CACNG3: variants seen among roughly 807,000 people sequenced by gnomAD.
The protein encoded by CACNG3 is voltage-dependent calcium channel gamma-3 subunit.
In CACNG3, 3 loss-of-function variants were observed where a neutral mutation model predicts 28.5. That is an observed-to-expected ratio of 0.11 (90% confidence interval 0.05 to 0.27). CACNG3 has a LOEUF of 0.27. CACNG3 is among the 10% of genes least tolerant of loss of function. The pLI is 1.00. For missense variants in CACNG3, 236 were observed against 414.4 expected (o/e 0.57, Z 3.74); for synonymous variants, 174 against 162.2 (o/e 1.07, Z -0.55).
At chr16:24,325,895 A>C (rs1899534937) in intron 1 of CACNG3, among the ~76,000 whole-genome samples, 1 of 152,238 alleles carries the variant, frequency 6.6e-6, no homozygotes, top group African/African-American at 2.4e-5. Flanking sequence ...ATCCATTTCA[A>C]ATAAGCGTAA....
intron 1 of CACNG3, among the ~76,000 whole-genome samples, chr16:24,261,024 T>G (rs1382895476): frequency 6.6e-6 from 1 of 152,224 alleles, no homozygotes; most frequent in Admixed American, 6.5e-5. Flanking sequence ...TGAGGAACCC[T>G]AAGTGTTCAT....
intron 1 of CACNG3, among the ~76,000 whole-genome samples, chr16:24,307,238 C>T (rs1417140159): frequency 6.6e-6 from 1 of 152,198 alleles, no homozygotes; most frequent in African/African-American, 2.4e-5. Flanking sequence ...TCTCCTGCCT[C>T]AGCCTCCCAA....
At chr16:24,314,752 C>CCTT (rs1225223585) in intron 1 of CACNG3, among the ~76,000 whole-genome samples, 2 of 150,088 alleles carry the variant, frequency 1.3e-5, no homozygotes, top group African/African-American at 4.9e-5. Flanking sequence ...TCCTCCTCCT[C>CCTT]CTCCTCCTCC....
At chr16:24,308,839 C>CAAAAA (rs71154298) in intron 1 of CACNG3, among the ~76,000 whole-genome samples, 576 of 26,280 alleles carry the variant, frequency 0.022, no homozygotes, top group Middle Eastern at 0.091. Flanking sequence ...GAACCTACCT[C>CAAAAA]AAAAAAAAAA....
intron 1 of CACNG3, among the ~76,000 whole-genome samples, chr16:24,340,819 C>G (rs895375510): frequency 6.6e-6 from 1 of 152,206 alleles, no homozygotes; most frequent in Non-Finnish European, 1.5e-5. Context: ...CTCACACATG[C>G]CCTTCGCTGG....
rs767894450 is a variant in CACNG3, at chr16:24,361,449, C to G, written c.534C>G (p.Ser178=). The change falls in exon 4 of 4, where the codon TCC becomes TCG. Residue 178 remains serine, a synonymous_variant. Coordinates refer to ENST00000005284, the MANE Select transcript of CACNG3 (RefSeq NM_006539.4). This position sits in a 1 kb window ranked among gnomAD's most constrained non-coding sequence, Gnocchi z 6.8. ...DSKKSYSYGW[S]FYFGAFSFII... ...AAAAAAGTTACTCCTATGGTTGGTC[C>G]TTTTATTTCGGAGCCTTCTCTTTCA... The G allele has an allele frequency of 1.2e-6, 2 of 1,614,144 alleles. No individual in the cohort carries two copies. Among genetic ancestry groups the G allele is most frequent in the Non-Finnish European group, 8.5e-7 (1 of 1,180,026 alleles).
chr16:24,304,268 C>T (rs1567214089), intron 1 of CACNG3, among the ~76,000 whole-genome samples: 1 of 152,010 alleles, frequency 6.6e-6, no homozygotes, highest in Non-Finnish European at 1.5e-5. Flanking sequence ...TTTGGACTTC[C>T]TAATATACAT....
intron 1 of CACNG3, among the ~76,000 whole-genome samples, chr16:24,298,920 G>A (rs532860003): frequency 1.3e-5 from 2 of 152,342 alleles, no homozygotes; most frequent in Non-Finnish European, 2.9e-5. Flanking sequence ...AGTCCACCAA[G>A]GTAAAATGTC....
chr16:24,313,091 G>GGAAGGAAGGAAA (rs1899296656), intron 1 of CACNG3, among the ~76,000 whole-genome samples: 1 of 150,610 alleles, frequency 6.6e-6, no homozygotes, highest in African/African-American at 2.4e-5. Flanking sequence ...AAGGAAGGAA[G>GGAAGGAAGGAAA]GAAGGAAGGA....
At chr16:24,279,493 G>C (rs528167255) in intron 1 of CACNG3, among the ~76,000 whole-genome samples, 2 of 152,066 alleles carry the variant, frequency 1.3e-5, no homozygotes, top group South Asian at 2.1e-4. Context: ...TTTGTAGAGA[G>C]AGTATCTCAC....
At chr16:24,349,968 A>G (rs1409935115) in intron 2 of CACNG3, among the ~76,000 whole-genome samples, 6 of 152,232 alleles carry the variant, frequency 3.9e-5, no homozygotes, top group African/African-American at 7.2e-5. Context: ...TCAGACTCCA[A>G]TGGTGGGGCT....
chr16:24,298,124 C>A (rs373644088), intron 1 of CACNG3, among the ~76,000 whole-genome samples: 3 of 152,222 alleles, frequency 2.0e-5, no homozygotes, highest in South Asian at 4.2e-4. Flanking sequence ...TCTTTATATT[C>A]TCTTATCCCA....
At chr16:24,287,316 G>A (rs1272198972) in intron 1 of CACNG3, among the ~76,000 whole-genome samples, 1 of 152,028 alleles carries the variant, frequency 6.6e-6, no homozygotes, top group Non-Finnish European at 1.5e-5. Flanking sequence ...CCAGGAATTC[G>A]AGACCAGGCT....
At chr16:24,279,598 C>T (rs1398997583) in intron 1 of CACNG3, among the ~76,000 whole-genome samples, 1 of 152,152 alleles carries the variant, frequency 6.6e-6, no homozygotes, top group African/African-American at 2.4e-5. Flanking sequence ...ACCCAGTTCG[C>T]CCAACTGAGG....
intron 1 of CACNG3, among the ~76,000 whole-genome samples, chr16:24,276,494 G>A (rs899253646): frequency 6.6e-6 from 1 of 152,210 alleles, no homozygotes; most frequent in African/African-American, 2.4e-5. Flanking sequence ...TATAGTTGAG[G>A]AGAGAAACTA....
At chr16:24,295,828 A>G (rs747019754) in intron 1 of CACNG3, among the ~76,000 whole-genome samples, 7 of 152,204 alleles carry the variant, frequency 4.6e-5, no homozygotes, top group Non-Finnish European at 7.3e-5. Context: ...AGCCTGGGCT[A>G]CAGAGTAAGA....
rs1364254874 is a variant in CACNG3 at position 24,352,331 on chromosome 16, G to C, written c.296-2502G>C. ...CTCCCCGGCCCCACCCCATTCCCTA[G>C]AGGCTCCTCCATTCACTCAGCACCT... On this transcript the variant is annotated intron_variant, in intron 2 of 3. Coordinates refer to ENST00000005284, the MANE Select transcript of CACNG3 (RefSeq NM_006539.4). 3.3e-5 allele frequency among the ~76,000 whole-genome samples: 5 copies of C among 151,492 alleles called. No individual in the cohort carries two copies. The East Asian group carries it at 9.8e-4, about 30-fold the overall frequency.
At chr16:24,352,615 T>C (rs1899967562) in intron 2 of CACNG3, among the ~76,000 whole-genome samples, 1 of 151,528 alleles carries the variant, frequency 6.6e-6, no homozygotes, top group Admixed American at 6.6e-5. Flanking sequence ...CTCAGCTCAC[T>C]GTAGCCTCTG....
At chr16:24,309,645 A>T (rs4787432) in intron 1 of CACNG3, among the ~76,000 whole-genome samples, 87,948 of 151,856 alleles carry the variant, frequency 0.58, 25,579 homozygotes, top group South Asian at 0.64. Context: ...ACATGCTGTG[A>T]AAGTGATGAT....
Sources: gnomAD v4.1 joint callset for allele counts (sites outside exome capture counted in the v4.1 genomes callset) on GRCh38, gnomAD v4.1.1 for gene constraint, Gnocchi (gnomAD v3.1) non-coding constraint, MANE v1.5 for transcripts, NCBI Gene and HGNC (gene_info 2026-07-23, HGNC 2026-07-21) for gene names.